The following EGFR variants were observed in gnomAD, a reference collection of about 807,000 sequenced individuals.
EGFR encodes the protein avian erythroblastic leukemia viral (v-erb-b) oncogene homolog.
Under a neutral mutation model 143.0 loss-of-function variants are expected in EGFR, and 58 were observed. That is an observed-to-expected ratio of 0.41 (90% CI 0.33 to 0.50). EGFR has a LOEUF of 0.50. Among genes scored for constraint, EGFR ranks in the 20% least tolerant of loss-of-function variants. The probability of loss-of-function intolerance (pLI) is 0.39; values close to 1 mark genes in which losing one functional copy is unlikely to be tolerated. For missense variants in EGFR, 1,307 were observed against 1,579.0 expected (o/e 0.83, Z 2.92); for synonymous variants, 613 against 594.4 (o/e 1.03, Z -0.45).
chr7:55,043,544 T>A (rs1396283139), intron 1 of EGFR, among the ~76,000 whole-genome samples: 2 of 152,116 alleles, frequency 1.3e-5, no homozygotes, highest in Non-Finnish European at 2.9e-5. Context: ...GCATTTTTAG[T>A]AGAGACGGGG....
chr7:55,089,796 C>T (rs574231899), intron 1 of EGFR, among the ~76,000 whole-genome samples: 1 of 152,256 alleles, frequency 6.6e-6, no homozygotes, highest in South Asian at 2.1e-4. Context: ...TCTTTCCAGC[C>T]AGGCTTGGAG....
intron 4 of EGFR, among the ~76,000 whole-genome samples, chr7:55,150,537 T>C (rs1002730301): frequency 1.3e-5 from 2 of 152,234 alleles, no homozygotes; most frequent in Non-Finnish European, 2.9e-5. Context: ...TAGTTTACTA[T>C]GTCTTCACAG....
intron 1 of EGFR, among the ~76,000 whole-genome samples, chr7:55,021,142 A>G (rs1001716049): frequency 1.3e-5 from 2 of 152,182 alleles, no homozygotes; most frequent in African/African-American, 2.4e-5. Context: ...AAAGAGGGAA[A>G]AGGTAGAGTG....
intron 20 of EGFR, among the ~76,000 whole-genome samples, chr7:55,183,831 G>A (rs1430775575): frequency 1.3e-5 from 2 of 152,222 alleles, no homozygotes; most frequent in African/African-American, 4.8e-5. Flanking sequence ...CCTGCATGTG[G>A]GAGCTGCCCT....
chr7:55,144,604 T>TCA (rs1794655698), intron 3 of EGFR, among the ~76,000 whole-genome samples: 3 of 152,200 alleles, frequency 2.0e-5, no homozygotes, highest in African/African-American at 7.2e-5. Context: ...GCTCCTCAGT[T>TCA]CACCGCCTAT....
intron 27 of EGFR, 122 bp from the exon 28 acceptor site, chr7:55,205,134 A>C (rs552697037): frequency 6.8e-7 from 1 of 1,477,418 alleles, no homozygotes; most frequent in South Asian, 1.2e-5. Context: ...GGCCCTCCCG[A>C]GGCTCCTGCT....
intron 1 of EGFR, among the ~76,000 whole-genome samples, chr7:55,138,462 A>G (rs1794281895): frequency 6.6e-6 from 1 of 152,206 alleles, no homozygotes; most frequent in African/African-American, 2.4e-5. Flanking sequence ...TTAAAGTACT[A>G]TGTATTCATT....
At chr7:55,025,146 CT>C (rs1786808173) in intron 1 of EGFR, among the ~76,000 whole-genome samples, 1 of 152,138 alleles carries the variant, frequency 6.6e-6, no homozygotes, top group Non-Finnish European at 1.5e-5. Flanking sequence ...GGATTTTGTC[CT>C]GTGTGAAAGA....
At chr7:55,055,758 A>G (rs1788776818) in intron 1 of EGFR, among the ~76,000 whole-genome samples, 1 of 151,436 alleles carries the variant, frequency 6.6e-6, no homozygotes, top group Non-Finnish European at 1.5e-5. Flanking sequence ...ACCAGGGTCG[A>G]TGCCATCTAC....
At chr7:55,137,195 A>C (rs935338375) in intron 1 of EGFR, among the ~76,000 whole-genome samples, 1 of 152,194 alleles carries the variant, frequency 6.6e-6, no homozygotes, top group East Asian at 1.9e-4. Context: ...AAGGAAGCAA[A>C]GATGCGAAGA....
At position 55,209,042 on chromosome 7, in the gene EGFR, C is replaced by T. The variant is rs1309888001; in HGVS notation, c.*3425C>T. On this transcript the variant is annotated 3_prime_UTR_variant, in exon 28 of 28. Transcript: ENST00000275493. ...CACTCTCACTAGGCCTCTGATTGCA[C>T]TTGTGTAGGATGAAGCTGGTGGGTG... The T allele has an allele frequency of 4.6e-5, 7 of 152,184 alleles. No homozygotes were observed. The highest frequency in any genetic ancestry group is 1.5e-5 in the Non-Finnish European group (1 of 68,068). 9.4% of individuals were successfully genotyped at this position (152,184 alleles called of 1,614,324 possible). A position where few individuals can be genotyped will look rare whatever the true frequency, so the allele number is the denominator to read the frequency against.
rs149671234 is a variant in EGFR at position 55,059,417 on chromosome 7, G to A, written c.88+40052G>A. Among the ~76,000 whole-genome samples, 252 of 152,054 alleles carry A rather than the reference G, an allele frequency of 1.7e-3. 2 individuals are homozygous for A. Among genetic ancestry groups the A allele is most frequent in the Non-Finnish European group, 6.9e-4 (47 of 68,012 alleles). Reference sequence around the variant, plus strand: ...CCTGCAGGTTTCCCCTATTATTAACGTCTGTCATTAGCATGGCACATTTGT... The same window carrying A: ...CCTGCAGGTTTCCCCTATTATTAACATCTGTCATTAGCATGGCACATTTGT... On this transcript the variant is annotated intron_variant, in intron 1 of 27. Coordinates refer to ENST00000275493, the MANE Select transcript of EGFR (RefSeq NM_005228.5).
chr7:55,172,941 G>A (rs753944615), intron 16 of EGFR, 42 bp from the exon 17 acceptor site: 2 of 1,614,060 alleles, frequency 1.2e-6, no homozygotes, highest in Non-Finnish European at 1.7e-6. Flanking sequence ...CATGGAATCT[G>A]TCAGCAACCT....
At chr7:55,101,831 T>C (rs1306757627) in intron 1 of EGFR, among the ~76,000 whole-genome samples, 1 of 152,216 alleles carries the variant, frequency 6.6e-6, no homozygotes, top group Non-Finnish European at 1.5e-5. Context: ...CTCCACAGCA[T>C]ACTGTGTATT....
At chr7:55,183,324 G>A (rs777092067) in intron 20 of EGFR, among the ~76,000 whole-genome samples, 20 of 152,090 alleles carry the variant, frequency 1.3e-4, no homozygotes, top group Non-Finnish European at 2.6e-4. Context: ...TGATCACTCC[G>A]CTATGTGTAT....
intron 1 of EGFR, among the ~76,000 whole-genome samples, chr7:55,055,070 C>A (rs534556774): frequency 1.3e-5 from 2 of 152,286 alleles, no homozygotes; most frequent in East Asian, 3.9e-4. Context: ...GGGGGTTTCC[C>A]TGACTTCATC....
chr7:55,137,703 T>C (rs1419751791), intron 1 of EGFR, among the ~76,000 whole-genome samples: 1 of 152,200 alleles, frequency 6.6e-6, no homozygotes, highest in Admixed American at 6.5e-5. Flanking sequence ...TCAAAACTAC[T>C]GTGCTGTGAC....
Position 55,125,392 on chromosome 7 carries a change from G to A in EGFR, c.89-16894G>A, listed in dbSNP as rs1179888553. Among the ~76,000 whole-genome samples the A allele has an allele frequency of 4.7e-5, 7 of 148,154 alleles. 1 individual carries two copies. The highest frequency in any genetic ancestry group is 1.0e-4 in the Non-Finnish European group (7 of 66,880). The stretch of plus-strand genomic sequence containing the variant: ...TATTTGAAAGTTACAAGCTATTATG[G>A]CTAACTCCATTTATCTCAGTTAGAG... On this transcript the variant is annotated intron_variant, in intron 1 of 27. Coordinates refer to ENST00000275493, the MANE Select transcript of EGFR (RefSeq NM_005228.5).
chr7:55,088,565 T>C (rs1790906914), intron 1 of EGFR, among the ~76,000 whole-genome samples: 1 of 152,228 alleles, frequency 6.6e-6, no homozygotes, highest in African/African-American at 2.4e-5. Context: ...CACATGCTTG[T>C]GTTAAGGTAA....
Sources: allele counts gnomAD v4.1 joint callset (sites outside exome capture counted in the v4.1 genomes callset), GRCh38; gene constraint gnomAD v4.1.1; transcripts MANE v1.5; gene names NCBI Gene and HGNC (gene_info 2026-07-23, HGNC 2026-07-21).